Variants in GSE1 observed in about 807,000 individuals in gnomAD.
The protein encoded by GSE1 is Gse1 coiled-coil protein.
Under a neutral mutation model 112.6 loss-of-function variants are expected in GSE1, and 32 were observed. The observed-to-expected ratio is 0.28, with a 90% CI of 0.21 to 0.38. GSE1 has a LOEUF of 0.38. Ranked by LOEUF, GSE1 falls within the 10% of genes least tolerant of loss-of-function variation. The probability of loss-of-function intolerance (pLI) is 1.00; values close to 1 mark genes in which losing one functional copy is unlikely to be tolerated. For missense variants in GSE1, 2,348 were observed against 1,699.2 expected (o/e 1.38, Z -6.71); for synonymous variants, 1,115 against 735.6 (o/e 1.52, Z -8.35).
At position 85,671,394 on chromosome 16, in the gene GSE1, T is replaced by A. The variant is rs1015794457; in HGVS notation, c.3519+296T>A. Among the ~76,000 whole-genome samples the A allele has an allele frequency of 8.3e-5, 11 of 132,804 alleles. No homozygotes were observed. The South Asian group carries it at 1.5e-3, about 19-fold the overall frequency. 87.1% of individuals were successfully genotyped at this position (132,804 alleles called of 152,430 possible). ...GGCGGAGCTTGCAGTGAGCCGAGATTGCGCCACTGCACTCCAGCCTGGGCG... is the reference window on the plus strand; with the variant it reads ...GGCGGAGCTTGCAGTGAGCCGAGATAGCGCCACTGCACTCCAGCCTGGGCG... On this transcript the variant is annotated intron_variant, in intron 15 of 15. Transcript: ENST00000253458.
chr16:85,355,212 C>G (rs1452580280), intron 1 of GSE1, among the ~76,000 whole-genome samples: 1 of 151,862 alleles, frequency 6.6e-6, no homozygotes, highest in African/African-American at 2.4e-5. Context: ...TTTTATAGCA[C>G]TAATCCCTAA....
chr16:85,657,650 G>T, intron 8 of GSE1, 46 bp downstream of exon 8: 2 of 1,343,280 alleles, frequency 1.5e-6, no homozygotes, highest in Non-Finnish European at 2.0e-6. Flanking sequence ...TTCACGTTCC[G>T]ATTTGTTCAG....
chr16:85,367,007 C>T (rs2047198713), intron 2 of GSE1, among the ~76,000 whole-genome samples: 2 of 152,258 alleles, frequency 1.3e-5, no homozygotes, highest in South Asian at 4.1e-4. Context: ...TCACCAGGCA[C>T]AGACCGTCTC....
intron 2 of GSE1, among the ~76,000 whole-genome samples, chr16:85,414,879 A>G (rs1597682691): frequency 6.6e-6 from 1 of 152,128 alleles, no homozygotes; most frequent in African/African-American, 2.4e-5. Flanking sequence ...CAGGCGATCC[A>G]CCTGCCTCGG....
intron 1 of GSE1, among the ~76,000 whole-genome samples, chr16:85,246,653 G>C (rs4076309): frequency 0.01 from 1,596 of 152,180 alleles, 27 homozygotes; most frequent in African/African-American, 0.037. Context: ...TCTCAGCAGG[G>C]GTTCTGGGCA....
At chr16:85,634,641 C>T (rs915424944) in intron 2 of GSE1, among the ~76,000 whole-genome samples, 1 of 152,136 alleles carries the variant, frequency 6.6e-6, no homozygotes, top group African/African-American at 2.4e-5. Context: ...GAGGCAGAGA[C>T]TGTGGGGAGC....
intron 1 of GSE1, among the ~76,000 whole-genome samples, chr16:85,215,663 A>G (rs1367902834): frequency 6.6e-6 from 1 of 152,232 alleles, no homozygotes; most frequent in Non-Finnish European, 1.5e-5. Context: ...TTCACTCAGC[A>G]AACATTCACA....
At chr16:85,525,019 G>T (rs116486412) in intron 2 of GSE1, among the ~76,000 whole-genome samples, 4 of 152,182 alleles carry the variant, frequency 2.6e-5, no homozygotes, top group African/African-American at 9.7e-5. Context: ...GGGGTGATCC[G>T]GCCGTCTCAC....
intron 2 of GSE1, among the ~76,000 whole-genome samples, chr16:85,534,818 G>A (rs1362485738): frequency 6.6e-6 from 1 of 152,228 alleles, no homozygotes; most frequent in African/African-American, 2.4e-5. Flanking sequence ...CAGCGTTGCT[G>A]CGTGTATTGA....
chr16:85,394,396 G>A (rs1318871612), intron 2 of GSE1, among the ~76,000 whole-genome samples: 2 of 152,008 alleles, frequency 1.3e-5, no homozygotes, highest in African/African-American at 2.4e-5. Context: ...TCAAATAATC[G>A]GGGAGGTCGG....
intron 1 of GSE1, chr16:85,207,915 G>C (rs77471076): frequency 0.065 from 9,897 of 152,276 alleles, 360 homozygotes; most frequent in East Asian, 0.14. Context: ...ATGTTGCTGG[G>C]GGGTAGCTGG....
chr16:85,410,379 C>T (rs1336051492), intron 2 of GSE1, among the ~76,000 whole-genome samples: 4 of 45,928 alleles, frequency 8.7e-5, no homozygotes, highest in African/African-American at 1.5e-4. Context: ...GGATAATCCT[C>T]ACTTTTACAC....
chr16:85,209,044 G>A (rs1250999985), intron 1 of GSE1, among the ~76,000 whole-genome samples: 3 of 151,522 alleles, frequency 2.0e-5, no homozygotes, highest in East Asian at 3.9e-4. Context: ...GTTGGGGTTT[G>A]CCACTTGTTG....
At chr16:85,398,649 A>G (rs555536626) in intron 2 of GSE1, among the ~76,000 whole-genome samples, 1 of 152,242 alleles carries the variant, frequency 6.6e-6, no homozygotes, top group East Asian at 1.9e-4. Context: ...TTCCCCAGCT[A>G]TAAAGTGGGA....
At chr16:85,471,881 C>T (rs1055327273) in intron 2 of GSE1, among the ~76,000 whole-genome samples, 2 of 152,226 alleles carry the variant, frequency 1.3e-5, no homozygotes, top group Admixed American at 6.5e-5. Flanking sequence ...TGGCTAAGCC[C>T]ACATTTGTTA....
rs1427971525 is a variant in GSE1, at chr16:85,673,176, A to ATT, written c.*637_*638insTT. 3 of 152,600 alleles carry ATT rather than the reference A, an allele frequency of 2.0e-5. No homozygotes were observed. The highest frequency in any genetic ancestry group is 7.2e-5 in the African/African-American group (3 of 41,436). 9.5% of individuals were successfully genotyped at this position (152,600 alleles called of 1,614,324 possible). ...AAGATAAAACCAATTCACAAACTGA[A>ATT]GGTAGCTTTTTATTACTCCGTGGGG... On this transcript the variant is annotated 3_prime_UTR_variant, in exon 16 of 16. Transcript: ENST00000253458.
At chr16:85,631,464 C>T (rs1444489215) in intron 1 of GSE1, among the ~76,000 whole-genome samples, 1 of 152,264 alleles carries the variant, frequency 6.6e-6, no homozygotes, top group Non-Finnish European at 1.5e-5. Flanking sequence ...GGCAGGGTGC[C>T]TGCCAGCTTG....
chr16:85,598,501 T>C (rs2151470493), intron 1 of GSE1, among the ~76,000 whole-genome samples: 1 of 152,350 alleles, frequency 6.6e-6, no homozygotes, highest in South Asian at 2.1e-4. Flanking sequence ...AGATTGCCAG[T>C]GTACTTTAAA....
intron 2 of GSE1, among the ~76,000 whole-genome samples, chr16:85,409,238 C>T (rs867598596): frequency 1.5e-3 from 61 of 40,902 alleles, no homozygotes; most frequent in African/African-American, 5.7e-3. Flanking sequence ...CTGTTACTCT[C>T]AGGCCCCCCG....
Sources: allele counts gnomAD v4.1 joint callset (sites outside exome capture counted in the v4.1 genomes callset), GRCh38; gene constraint gnomAD v4.1.1; transcripts MANE v1.5; gene names NCBI Gene and HGNC (gene_info 2026-07-23, HGNC 2026-07-21).